The following IRAK1BP1 variants were observed in gnomAD, a reference collection of about 807,000 sequenced individuals.
IRAK1BP1 encodes interleukin 1 receptor associated kinase 1 binding protein 1.
A neutral mutation model predicts 28.0 loss-of-function variants in IRAK1BP1; 24 were observed. That is an observed-to-expected ratio of 0.86 (90% CI 0.62 to 1.20). The LOEUF (loss-of-function observed/expected upper bound fraction) is 1.20, where lower values mean the gene tolerates loss of function less well. Among genes scored for constraint, IRAK1BP1 ranks in the 50% most tolerant of loss-of-function variants. The probability of loss-of-function intolerance (pLI) is 0.00; values close to 1 mark genes in which losing one functional copy is unlikely to be tolerated. For synonymous variants in IRAK1BP1, 131 were observed against 116.3 expected (o/e 1.13, Z -0.81); for missense variants, 336 against 316.7 (o/e 1.06, Z -0.46).
chr6:78,967,574 T>C, the IRAK1BP1 span, among the ~76,000 whole-genome samples: 1 of 152,208 alleles, frequency 6.6e-6, no homozygotes, highest in Non-Finnish European at 1.5e-5. Flanking sequence ...TAATTTTAAA[T>C]GGCAGTCGGT....
At chr6:78,940,590 T>G in intron 4 of IRAK1BP1, 1 of 159,940 alleles carries the variant, frequency 6.3e-6, no homozygotes. Flanking sequence ...AATCATAACA[T>G]TCCCTACTCC....
chr6:78,975,642 A>C, the IRAK1BP1 span, among the ~76,000 whole-genome samples: 1 of 152,178 alleles, frequency 6.6e-6, no homozygotes, highest in African/African-American at 2.4e-5. Context: ...CTCAGCCCAA[A>C]ATCTCCTTAA....
intron 1 of IRAK1BP1, among the ~76,000 whole-genome samples, chr6:78,877,065 C>T (rs1771027190): frequency 6.6e-6 from 1 of 152,090 alleles, no homozygotes; most frequent in African/African-American, 2.4e-5. Context: ...AAGGTTTTGG[C>T]CTTGTGCTGA....
chr6:78,939,346 CATG>C (rs1174086255), intron 4 of IRAK1BP1: 1 of 151,606 alleles, frequency 6.6e-6, no homozygotes, highest in African/African-American at 2.4e-5. Context: ...GACATACCAG[CATG>C]ATAAGGATAC....
At position 78,870,109 on chromosome 6, in the gene IRAK1BP1, CAAAAAAAAAAAAA is replaced by C. The variant is rs70977749; in HGVS notation, c.315+2237_315+2249del. The stretch of plus-strand genomic sequence containing the variant: ...GGGCAACAAGAGTGAAACTCCGTCC[CAAAAAAAAAAAAA>C]AAAAAAAAAAAAAAAAAAGATGGAG... On this transcript the variant is annotated intron_variant, in intron 1 of 3. Transcript: ENST00000369940. Among the ~76,000 whole-genome samples, 352 of 41,584 alleles carry C rather than the reference CAAAAAAAAAAAAA, an allele frequency of 8.5e-3. 2 individuals are homozygous for C. Among genetic ancestry groups the C allele is most frequent in the African/African-American group, 0.034 (319 of 9,364 alleles). 27.3% of individuals were successfully genotyped at this position (41,584 alleles called of 152,430 possible).
chr6:78,929,374 C>T (rs1229175629), intron 4 of IRAK1BP1, among the ~76,000 whole-genome samples: 1 of 151,780 alleles, frequency 6.6e-6, no homozygotes, highest in Non-Finnish European at 1.5e-5. Flanking sequence ...GAAATGAAGT[C>T]ATGTCATTTG....
chr6:78,922,007 A>G (rs369439559), intron 4 of IRAK1BP1, among the ~76,000 whole-genome samples: 33 of 152,254 alleles, frequency 2.2e-4, no homozygotes, highest in African/African-American at 5.8e-4. Flanking sequence ...AATTCTAAAA[A>G]TCAGAGAGGC....
intron 4 of IRAK1BP1, among the ~76,000 whole-genome samples, chr6:78,917,423 C>T (rs1374610145): frequency 1.3e-5 from 2 of 151,788 alleles, no homozygotes; most frequent in Non-Finnish European, 2.9e-5. Context: ...GAATAACGTA[C>T]AGCAACCAAA....
chr6:78,914,090 T>C (rs1377885811), intron 4 of IRAK1BP1, among the ~76,000 whole-genome samples: 8 of 152,178 alleles, frequency 5.3e-5, no homozygotes, highest in Non-Finnish European at 1.2e-4. Context: ...ACCATTCCAC[T>C]AAATTAAAAG....
At chr6:78,918,057 G>T (rs1582042861) in intron 4 of IRAK1BP1, among the ~76,000 whole-genome samples, 1 of 152,232 alleles carries the variant, frequency 6.6e-6, no homozygotes, top group East Asian at 1.9e-4. Flanking sequence ...TTCATGATAG[G>T]ATCAAAACCT....
intron 2 of IRAK1BP1, among the ~76,000 whole-genome samples, chr6:78,897,228 G>T (rs190640293): frequency 3.4e-4 from 51 of 148,614 alleles, no homozygotes; most frequent in Non-Finnish European, 5.0e-4. Context: ...ACTCCAGCCT[G>T]GGCAACGTAG....
At chr6:78,958,725 T>C in the IRAK1BP1 span, 12 of 658,416 alleles carry the variant, frequency 1.8e-5, no homozygotes, top group Non-Finnish European at 3.2e-5. Context: ...CCATTGGTCT[T>C]ATAAAGTCAT....
At chr6:78,885,487 G>A in intron 2 of IRAK1BP1, 44 bp downstream of exon 2, 1 of 957,112 alleles carries the variant, frequency 1.0e-6, no homozygotes, top group Non-Finnish European at 1.6e-6. Flanking sequence ...ATTTTGTGGA[G>A]ACAGTCATTT....
At chr6:78,948,162 A>G (rs867733156), downstream of IRAK1BP1, among the ~76,000 whole-genome samples, 1 of 152,224 alleles carries the variant, frequency 6.6e-6, no homozygotes, top group African/African-American at 2.4e-5. Context: ...TCATTAAAAC[A>G]CAACTGTAAC....
chr6:78,914,805 G>T (rs931569614), intron 4 of IRAK1BP1, among the ~76,000 whole-genome samples: 4 of 151,896 alleles, frequency 2.6e-5, no homozygotes, highest in Non-Finnish European at 5.9e-5. Context: ...CAGGTTTTTG[G>T]TTTTGTTTTG....
intron 2 of IRAK1BP1, among the ~76,000 whole-genome samples, chr6:78,893,864 CTG>C (rs1185013886): frequency 1.3e-5 from 2 of 152,014 alleles, no homozygotes; most frequent in Non-Finnish European, 2.9e-5. Flanking sequence ...GATCACGTCA[CTG>C]TACTCCAGCC....
intron 4 of IRAK1BP1, among the ~76,000 whole-genome samples, chr6:78,930,596 C>T (rs1229315745): frequency 6.6e-6 from 1 of 152,042 alleles, no homozygotes; most frequent in Admixed American, 6.6e-5. Flanking sequence ...GTAGCTGACA[C>T]TAAACTAAGA....
intron 1 of IRAK1BP1, among the ~76,000 whole-genome samples, chr6:78,877,403 A>C (rs1205345533): frequency 6.6e-6 from 1 of 152,200 alleles, no homozygotes; most frequent in Non-Finnish European, 1.5e-5. Flanking sequence ...TTAGAATTTC[A>C]AAATATATCA....
At chr6:78,874,235 T>C (rs1197964409) in intron 1 of IRAK1BP1, among the ~76,000 whole-genome samples, 1 of 152,212 alleles carries the variant, frequency 6.6e-6, no homozygotes, top group Non-Finnish European at 1.5e-5. Context: ...ACCAATTAGC[T>C]TAGATATGGA....
Sources: gnomAD v4.1 joint callset for allele counts (sites outside exome capture counted in the v4.1 genomes callset) on GRCh38, gnomAD v4.1.1 for gene constraint, MANE v1.5 for transcripts, NCBI Gene and HGNC (gene_info 2026-07-23, HGNC 2026-07-21) for gene names.